The following HSD17B12 variants were observed in gnomAD, a reference collection of about 807,000 sequenced individuals.
The protein encoded by HSD17B12 is hydroxysteroid 17-beta dehydrogenase 12.
HSD17B12 carries 32 observed loss-of-function variants against 39.3 expected under a neutral mutation model. The observed-to-expected ratio is 0.81, with a 90% CI of 0.61 to 1.09. HSD17B12 has a LOEUF of 1.09. HSD17B12 is among the 50% of genes least tolerant of loss of function. The pLI is 0.00. For missense variants in HSD17B12, 342 were observed against 382.9 expected (o/e 0.89, Z 0.89); for synonymous variants, 150 against 146.7 (o/e 1.02, Z -0.16).
At chr11:43,854,686 G>C (rs770190567) in intron 9 of HSD17B12, 29 bp from the exon 10 acceptor site, 2 of 1,611,558 alleles carry the variant, frequency 1.2e-6, no homozygotes, top group Non-Finnish European at 1.7e-6. Context: ...TCAATGGCAT[G>C]TTTTCTGGGG....
Position 43,680,837 on chromosome 11 carries a change from G to T in HSD17B12, c.10G>T (p.Ala4Ser). 2 of 1,614,078 alleles carry T rather than the reference G, an allele frequency of 1.2e-6. No individual in the cohort carries two copies. Among genetic ancestry groups the T allele is most frequent in the Non-Finnish European group, 1.7e-6 (2 of 1,179,980 alleles). Reference sequence around the variant, plus strand: ...GGCCTAGTGGAAAGCCATGGAGAGCGCTCTCCCCGCCGCCGGCTTCCTGTA... The same window carrying T: ...GGCCTAGTGGAAAGCCATGGAGAGCTCTCTCCCCGCCGCCGGCTTCCTGTA... Reference protein sequence around the residue: MESALPAAGFLYWV... With the variant: MESSLPAAGFLYWV... Residue 4 changes from alanine to serine, a missense_variant, in exon 1 of 11, where the codon GCT (alanine) becomes TCT (serine). Ala to Ser is a moderately conservative substitution (Grantham distance 99). Coordinates refer to ENST00000278353, the MANE Select transcript of HSD17B12 (RefSeq NM_016142.3).
intron 4 of HSD17B12, among the ~76,000 whole-genome samples, chr11:43,801,747 C>G (rs1429676323): frequency 6.6e-6 from 1 of 151,712 alleles, no homozygotes; most frequent in East Asian, 1.9e-4. Flanking sequence ...AGCAGTGGGC[C>G]TGGAGATCAT....
intron 3 of HSD17B12, among the ~76,000 whole-genome samples, chr11:43,783,100 A>T (rs889874794): frequency 6.6e-6 from 1 of 152,334 alleles, no homozygotes; most frequent in South Asian, 2.1e-4. Flanking sequence ...GGGCAGAAAG[A>T]CTGTTCCAGA....
intron 6 of HSD17B12, among the ~76,000 whole-genome samples, chr11:43,816,662 T>G (rs1951126147): frequency 6.6e-6 from 1 of 152,058 alleles, no homozygotes; most frequent in South Asian, 2.1e-4. Context: ...AGGTGGTGTT[T>G]GGTTACATGA....
chr11:43,845,526 CA>C (rs1951467124), intron 9 of HSD17B12, among the ~76,000 whole-genome samples: 1 of 152,104 alleles, frequency 6.6e-6, no homozygotes, highest in Non-Finnish European at 1.5e-5. Context: ...ATGACAGTGA[CA>C]TTTTTTAAGA....
the HSD17B12 span, among the ~76,000 whole-genome samples, chr11:43,571,335 T>C: frequency 1.3e-5 from 2 of 152,216 alleles, no homozygotes; most frequent in Non-Finnish European, 2.9e-5. Flanking sequence ...CCTTTCTATT[T>C]AGCCTCTGCT....
At chr11:43,569,140 G>T in the HSD17B12 span, among the ~76,000 whole-genome samples, 1 of 152,138 alleles carries the variant, frequency 6.6e-6, no homozygotes, top group African/African-American at 2.4e-5. Flanking sequence ...TCCTGCTTTG[G>T]CTGGGGTTCG....
chr11:43,826,886 A>C (rs1432792836), intron 6 of HSD17B12, among the ~76,000 whole-genome samples: 3 of 152,234 alleles, frequency 2.0e-5, no homozygotes, highest in African/African-American at 7.2e-5. Flanking sequence ...CAAACCAGGC[A>C]TTGTGTAACA....
chr11:43,557,027 G>A, the HSD17B12 span: 3 of 152,176 alleles, frequency 2.0e-5, no homozygotes, highest in African/African-American at 7.2e-5. Flanking sequence ...GTTGGTGAAT[G>A]TTTGGAGGAG....
chr11:43,734,795 A>G (rs990377328), intron 1 of HSD17B12, among the ~76,000 whole-genome samples: 3 of 152,234 alleles, frequency 2.0e-5, no homozygotes, highest in Non-Finnish European at 4.4e-5. Context: ...AAAATTAACC[A>G]TTAACGAATT....
the HSD17B12 span, chr11:43,570,146 G>C: frequency 6.6e-6 from 1 of 152,642 alleles, no homozygotes; most frequent in Non-Finnish European, 1.5e-5. Context: ...CACTTTTCCA[G>C]AGTAGTCACA....
chr11:43,566,681 C>G, the HSD17B12 span, among the ~76,000 whole-genome samples: 1 of 152,120 alleles, frequency 6.6e-6, no homozygotes, highest in East Asian at 1.9e-4. Context: ...AGGCGCACAC[C>G]GCCACGCCCG....
intron 3 of HSD17B12, chr11:43,754,744 A>G: frequency 1.8e-6 from 1 of 551,444 alleles, no homozygotes; most frequent in Admixed American, 3.4e-5. Context: ...ACTTCATTTC[A>G]GTATTCCTGA....
At chr11:43,825,584 A>G (rs1042495625) in intron 6 of HSD17B12, among the ~76,000 whole-genome samples, 4 of 152,246 alleles carry the variant, frequency 2.6e-5, no homozygotes, top group Admixed American at 6.5e-5. Flanking sequence ...GAAGGAGAGT[A>G]AAACCCTCAC....
the HSD17B12 span, among the ~76,000 whole-genome samples, chr11:43,580,066 T>TC: frequency 1.7e-5 from 2 of 119,960 alleles, no homozygotes; most frequent in Non-Finnish European, 3.5e-5. Context: ...TAGGTACTAA[T>TC]GGGGGGGGGG....
chr11:43,775,536 C>T (rs953469535), intron 3 of HSD17B12, among the ~76,000 whole-genome samples: 1 of 151,932 alleles, frequency 6.6e-6, no homozygotes, highest in Non-Finnish European at 1.5e-5. Context: ...ATATTCCATT[C>T]TATGAAGTTC....
intron 4 of HSD17B12, among the ~76,000 whole-genome samples, chr11:43,809,691 A>G (rs930676605): frequency 4.6e-5 from 7 of 152,106 alleles, no homozygotes; most frequent in African/African-American, 1.7e-4. Context: ...GTGGTGGCGC[A>G]TGCCTGTAAT....
At chr11:43,801,870 T>G (rs1247392383) in intron 4 of HSD17B12, among the ~76,000 whole-genome samples, 1 of 152,132 alleles carries the variant, frequency 6.6e-6, no homozygotes, top group Non-Finnish European at 1.5e-5. Context: ...GGGGATAGTT[T>G]TCTGCATGAA....
At chr11:43,732,270 C>G (rs1202708506) in intron 1 of HSD17B12, among the ~76,000 whole-genome samples, 1 of 152,176 alleles carries the variant, frequency 6.6e-6, no homozygotes, top group Non-Finnish European at 1.5e-5. Flanking sequence ...CCCAGCCATG[C>G]TGAACTATGA....
Sources: allele counts gnomAD v4.1 joint callset (sites outside exome capture counted in the v4.1 genomes callset), GRCh38; gene constraint gnomAD v4.1.1; transcripts MANE v1.5; gene names NCBI Gene and HGNC (gene_info 2026-07-23, HGNC 2026-07-21).